NRXN1: variants seen among roughly 807,000 people sequenced by gnomAD.
NRXN1 encodes the protein neurexin 1.
Under a neutral mutation model 150.9 loss-of-function variants are expected in NRXN1, and 39 were observed. The ratio of observed to expected loss-of-function variants is 0.26; its 90% CI spans 0.20 to 0.34. The LOEUF (loss-of-function observed/expected upper bound fraction) is 0.34. Among genes scored for constraint, NRXN1 ranks in the 10% least tolerant of loss-of-function variants. The pLI is 1.00. For missense variants in NRXN1, 1,815 were observed against 1,949.9 expected (o/e 0.93, Z 1.30); for synonymous variants, 924 against 757.0 (o/e 1.22, Z -3.62).
chr2:50,844,944 G>C (rs1482140653), intron 5 of NRXN1, among the ~76,000 whole-genome samples: 3 of 151,716 alleles, frequency 2.0e-5, no homozygotes, highest in African/African-American at 7.3e-5. Flanking sequence ...GTCTCGACTT[G>C]CCAGGCTCAA....
intron 17 of NRXN1, among the ~76,000 whole-genome samples, chr2:50,362,586 A>G (rs1349089499): frequency 1.3e-5 from 2 of 152,218 alleles, no homozygotes; most frequent in Non-Finnish European, 2.9e-5. Flanking sequence ...GCTCAAGGAA[A>G]TAAGAGAGGA....
chr2:50,699,613 A>G (rs1693443887), intron 5 of NRXN1, among the ~76,000 whole-genome samples: 1 of 152,036 alleles, frequency 6.6e-6, no homozygotes, highest in African/African-American at 2.4e-5. Flanking sequence ...CTGACAGCCA[A>G]CAAGGAAACT....
At chr2:50,943,415 C>G (rs1401051872) in intron 2 of NRXN1, among the ~76,000 whole-genome samples, 1 of 152,086 alleles carries the variant, frequency 6.6e-6, no homozygotes, top group Non-Finnish European at 1.5e-5. Context: ...AGCTATGGTC[C>G]AGAGTGGTTA....
At chr2:49,939,509 C>A (rs1451422183) in intron 22 of NRXN1, among the ~76,000 whole-genome samples, 1 of 152,186 alleles carries the variant, frequency 6.6e-6, no homozygotes. Flanking sequence ...TCATCCAATG[C>A]TAACTGTGCA....
intron 21 of NRXN1, among the ~76,000 whole-genome samples, chr2:50,012,058 G>T (rs1413657680): frequency 6.6e-6 from 1 of 151,978 alleles, no homozygotes; most frequent in East Asian, 1.9e-4. Flanking sequence ...ATAAAAGTTA[G>T]CATTTTTCTA....
chr2:50,466,044 C>T (rs2088803351), intron 16 of NRXN1, among the ~76,000 whole-genome samples: 2 of 151,350 alleles, frequency 1.3e-5, no homozygotes, highest in African/African-American at 4.9e-5. Context: ...GTTATGATTG[C>T]TGGGTGTTTT....
At chr2:50,589,131 T>C (rs983560421) in intron 8 of NRXN1, 1 of 151,918 alleles carries the variant, frequency 6.6e-6, no homozygotes, top group African/African-American at 2.4e-5. Flanking sequence ...TCAAAGAAGG[T>C]GGTATCAAGG....
intron 16 of NRXN1, among the ~76,000 whole-genome samples, chr2:50,469,351 G>C (rs573447069): frequency 6.6e-6 from 1 of 151,614 alleles, no homozygotes; most frequent in Non-Finnish European, 1.5e-5. Flanking sequence ...GAAATAAAAG[G>C]CAACAAGTGA....
At chr2:49,978,065 G>A (rs1222688782) in intron 21 of NRXN1, among the ~76,000 whole-genome samples, 1 of 152,012 alleles carries the variant, frequency 6.6e-6, no homozygotes, top group Non-Finnish European at 1.5e-5. Context: ...GGGAGGCAGA[G>A]CCAGGAGAAT....
chr2:50,997,370 C>A (rs531728328), intron 2 of NRXN1, among the ~76,000 whole-genome samples: 1 of 151,702 alleles, frequency 6.6e-6, no homozygotes, highest in African/African-American at 2.4e-5. Flanking sequence ...TATTTGAAAA[C>A]AAACAAACAA....
At chr2:50,435,610 G>A (rs1271546497) in intron 17 of NRXN1, among the ~76,000 whole-genome samples, 1 of 152,106 alleles carries the variant, frequency 6.6e-6, no homozygotes, top group Non-Finnish European at 1.5e-5. Context: ...AATATACACA[G>A]GCATGCGTCT....
chr2:50,584,170 T>G (rs1399267008), intron 8 of NRXN1, among the ~76,000 whole-genome samples: 2 of 152,188 alleles, frequency 1.3e-5, no homozygotes, highest in African/African-American at 4.8e-5. Flanking sequence ...AGGAGAGAAA[T>G]AATTTCACCA....
intron 17 of NRXN1, among the ~76,000 whole-genome samples, chr2:50,324,534 T>C (rs1462644705): frequency 2.6e-5 from 4 of 152,210 alleles, no homozygotes; most frequent in African/African-American, 9.6e-5. Context: ...TCTTTTATTT[T>C]ATTTTATTTT....
intron 17 of NRXN1, among the ~76,000 whole-genome samples, chr2:50,288,947 G>C (rs1298069187): frequency 2.0e-5 from 3 of 152,130 alleles, no homozygotes; most frequent in Non-Finnish European, 4.4e-5. Flanking sequence ...TAGGGAAAGA[G>C]CATAGACAGG....
In NRXN1 at chr2:50,806,232, T is replaced by C. The variant is rs1273636591; in HGVS notation, c.832+115637A>G. 5.3e-5 allele frequency among the ~76,000 whole-genome samples: 8 copies of C among 152,150 alleles called. No individual in the cohort carries two copies. In the South Asian group the frequency reaches 6.2e-4, roughly 12 times the overall value. ...GTAAAGATGGTCAATCTATTCACTA[T>C]TGGAGGAAAACATTCACTGTGTATC... On this transcript the variant is annotated intron_variant, in intron 5 of 22. Transcript: ENST00000401669.
chr2:50,154,179 GATT>G (rs2058870494), intron 18 of NRXN1, among the ~76,000 whole-genome samples: 1 of 151,432 alleles, frequency 6.6e-6, no homozygotes, highest in South Asian at 2.1e-4. Context: ...CCTCTTTGAA[GATT>G]ATTTTTTATC....
Position 50,473,006 on chromosome 2 carries a change from T to C in NRXN1, c.3071-535A>G, listed in dbSNP as rs975774973. Among the ~76,000 whole-genome samples, 6 of 152,054 alleles carry C rather than the reference T, an allele frequency of 3.9e-5. No individual in the cohort carries two copies. In the South Asian group the frequency reaches 8.3e-4, roughly 21 times the overall value. ...AACAGGCATTATTATTAAATTCACCTTCTGCTTAGAGATCTCTGTGTCTTC... is the reference window on the plus strand; with the variant it reads ...AACAGGCATTATTATTAAATTCACCCTCTGCTTAGAGATCTCTGTGTCTTC... On this transcript the variant is annotated intron_variant, in intron 15 of 22. Transcript: ENST00000401669.
At chr2:50,009,967 C>G (rs555904780) in intron 21 of NRXN1, among the ~76,000 whole-genome samples, 38 of 152,140 alleles carry the variant, frequency 2.5e-4, no homozygotes, top group African/African-American at 8.7e-4. Context: ...GGCCATTATT[C>G]TAATTTGTAA....
intron 18 of NRXN1, among the ~76,000 whole-genome samples, chr2:50,110,552 C>G (rs961702056): frequency 1.2e-4 from 17 of 144,874 alleles, no homozygotes; most frequent in African/African-American, 3.6e-4. Flanking sequence ...TTAGTTTATA[C>G]AACCTTCAAA....
Sources: gnomAD v4.1 joint callset for allele counts (sites outside exome capture counted in the v4.1 genomes callset) on GRCh38, gnomAD v4.1.1 for gene constraint, MANE v1.5 for transcripts, NCBI Gene and HGNC (gene_info 2026-07-23, HGNC 2026-07-21) for gene names.